DPYD: variants seen among roughly 807,000 people sequenced by gnomAD.
The protein encoded by DPYD is dihydropyrimidine dehydrogenase [NADP(+)].
Under a neutral mutation model 116.2 loss-of-function variants are expected in DPYD, and 109 were observed. That is an observed-to-expected ratio of 0.94 (90% CI 0.80 to 1.10). The LOEUF (loss-of-function observed/expected upper bound fraction) is 1.10, where lower values mean the gene tolerates loss of function less well. DPYD is among the 50% of genes least tolerant of loss of function. DPYD has a pLI of 0.00. For missense variants in DPYD, 1,302 were observed against 1,254.5 expected, an observed-to-expected ratio of 1.04 and a Z score of -0.57; for synonymous variants, 440 against 432.0, an observed-to-expected ratio of 1.02 and a Z score of -0.23.
intron 3 of DPYD, among the ~76,000 whole-genome samples, chr1:97,806,411 G>T (rs1668080620): frequency 6.6e-6 from 1 of 151,868 alleles, no homozygotes; most frequent in South Asian, 2.1e-4. Context: ...GACTAATGAT[G>T]TTGAGCACAC....
intron 2 of DPYD, among the ~76,000 whole-genome samples, chr1:97,862,943 T>C (rs372469554): frequency 6.6e-6 from 1 of 151,868 alleles, no homozygotes; most frequent in Non-Finnish European, 1.5e-5. Context: ...GAATATCTAC[T>C]AGGCAAAACT....
At chr1:97,271,223 A>T (rs543968583) in intron 18 of DPYD, among the ~76,000 whole-genome samples, 22 of 152,320 alleles carry the variant, frequency 1.4e-4, no homozygotes, top group Admixed American at 3.9e-4. Context: ...GCAGGCAGGG[A>T]AAGCTAAGGA....
At chr1:97,609,702 T>A (rs1377358866) in intron 8 of DPYD, among the ~76,000 whole-genome samples, 4 of 151,992 alleles carry the variant, frequency 2.6e-5, no homozygotes, top group Non-Finnish European at 5.9e-5. Flanking sequence ...AAATATACTT[T>A]AGGGCAGCAT....
At chr1:97,326,146 A>C (rs532014420) in intron 16 of DPYD, among the ~76,000 whole-genome samples, 1 of 152,108 alleles carries the variant, frequency 6.6e-6, no homozygotes, top group East Asian at 1.9e-4. Flanking sequence ...TGAATGTTAA[A>C]AAGTTTCAAG....
At chr1:97,762,637 C>CT (rs1665638804) in intron 3 of DPYD, among the ~76,000 whole-genome samples, 1 of 152,124 alleles carries the variant, frequency 6.6e-6, no homozygotes, top group Non-Finnish European at 1.5e-5. Context: ...GATTCTCTCT[C>CT]CACATTTATT....
Position 97,627,410 on chromosome 1 carries a change from G to A in DPYD, c.851-32244C>T, listed in dbSNP as rs973344654. 3.9e-5 allele frequency among the ~76,000 whole-genome samples: 6 copies of A among 152,082 alleles called. No individual in the cohort carries two copies. In the South Asian group the frequency reaches 1.0e-3, roughly 26 times the overall value. On this transcript the variant is annotated intron_variant, in intron 8 of 22. Coordinates refer to ENST00000370192, the MANE Select transcript of DPYD (RefSeq NM_000110.4). ...CTTCCAAGTAAGAACTGATGCTACC[G>A]CCTAATCCCCAGTGTTCCATTGTGC...
intron 3 of DPYD, among the ~76,000 whole-genome samples, chr1:97,778,696 T>C (rs575396511): frequency 1.3e-5 from 2 of 152,296 alleles, no homozygotes; most frequent in South Asian, 4.1e-4. Context: ...TTCATTGCTG[T>C]ATCAATATAT....
chr1:97,417,461 A>T (rs1424682986), intron 14 of DPYD, among the ~76,000 whole-genome samples: 1 of 152,164 alleles, frequency 6.6e-6, no homozygotes, highest in African/African-American at 2.4e-5. Context: ...TAATCAACCA[A>T]ATATGTAAAT....
intron 14 of DPYD, among the ~76,000 whole-genome samples, chr1:97,415,616 C>T (rs1392247528): frequency 2.6e-5 from 4 of 152,168 alleles, no homozygotes; most frequent in African/African-American, 9.7e-5. Context: ...GCCACCATGC[C>T]TGGCCTTCAT....
rs149628949 is a variant in DPYD at position 97,861,976 on chromosome 1, AAAGT to A, written c.150+21284_150+21287del. Among the ~76,000 whole-genome samples the A allele has an allele frequency of 2.1e-3, 314 of 152,120 alleles. 6 individuals are homozygous for A. The East Asian group carries it at 0.051, about 25-fold the overall frequency. The stretch of plus-strand genomic sequence containing the variant: ...AATGTAAATAAAACAAAGATGTCAT[AAAGT>A]AAGAAATGCAAAACAATGAAAATAT... On this transcript the variant is annotated intron_variant, in intron 2 of 22. Transcript: ENST00000370192.
At chr1:97,194,439 T>A (rs1223947913) in intron 19 of DPYD, among the ~76,000 whole-genome samples, 1 of 152,178 alleles carries the variant, frequency 6.6e-6, no homozygotes, top group African/African-American at 2.4e-5. Context: ...CCCAGAAATG[T>A]TGAACTGTGA....
chr1:97,913,463 G>A (rs544635349), intron 1 of DPYD, among the ~76,000 whole-genome samples: 1 of 152,212 alleles, frequency 6.6e-6, no homozygotes, highest in South Asian at 2.1e-4. Flanking sequence ...TCTTCACAGT[G>A]GCTGAATGAT....
intron 21 of DPYD, among the ~76,000 whole-genome samples, chr1:97,092,724 C>G (rs1398731747): frequency 1.3e-5 from 2 of 152,070 alleles, no homozygotes; most frequent in African/African-American, 2.4e-5. Flanking sequence ...CTAAGTTTTT[C>G]ATGCTACACC....
rs1161544892 is a variant in DPYD, at chr1:97,327,117, C to A, written c.2059-20820G>T. Among the ~76,000 whole-genome samples the A allele has an allele frequency of 2.6e-5, 4 of 151,966 alleles. No individual in the cohort carries two copies. In the South Asian group the frequency reaches 8.3e-4, roughly 31 times the overall value. On this transcript the variant is annotated intron_variant, in intron 16 of 22. Coordinates refer to ENST00000370192, the MANE Select transcript of DPYD (RefSeq NM_000110.4). ...ATTGAGATCACAGGCCTAAATAGGA[C>A]CTGAAGAAGTTCCCAGACAATATTA...
intron 8 of DPYD, among the ~76,000 whole-genome samples, chr1:97,614,570 G>A (rs889816994): frequency 1.3e-5 from 2 of 151,992 alleles, no homozygotes; most frequent in African/African-American, 2.4e-5. Context: ...ACAGAGATGA[G>A]GCCTAAATCC....
intron 2 of DPYD, chr1:97,856,323 G>A (rs906928744): frequency 6.6e-6 from 1 of 152,110 alleles, no homozygotes; most frequent in Non-Finnish European, 1.5e-5. Flanking sequence ...CATAAAGATA[G>A]AGGAGAATCT....
intron 20 of DPYD, among the ~76,000 whole-genome samples, chr1:97,139,753 T>C (rs1420941502): frequency 6.6e-6 from 1 of 152,184 alleles, no homozygotes; most frequent in Non-Finnish European, 1.5e-5. Flanking sequence ...GCAAATCTCC[T>C]TCTTTCTAAA....
intron 14 of DPYD, among the ~76,000 whole-genome samples, chr1:97,449,017 CAAGA>C (rs1218791058): frequency 2.0e-5 from 3 of 150,998 alleles, no homozygotes; most frequent in Non-Finnish European, 4.4e-5. Context: ...TCAAAATTAT[CAAGA>C]GATAATTTTG....
chr1:97,566,662 T>C (rs1484453516), intron 11 of DPYD, among the ~76,000 whole-genome samples: 6 of 152,186 alleles, frequency 3.9e-5, no homozygotes, highest in Non-Finnish European at 8.8e-5. Context: ...TGATGAATTA[T>C]GATAGTTTCT....
Sources: gnomAD v4.1 joint callset for allele counts (sites outside exome capture counted in the v4.1 genomes callset) on GRCh38, gnomAD v4.1.1 for gene constraint, MANE v1.5 for transcripts, NCBI Gene and HGNC (gene_info 2026-07-23, HGNC 2026-07-21) for gene names.